CPNE6: variants seen among roughly 807,000 people sequenced by gnomAD.
CPNE6 encodes the protein copine-6.
Under a neutral mutation model 71.5 loss-of-function variants are expected in CPNE6, and 33 were observed. The observed-to-expected ratio is 0.46, with a 90% CI of 0.35 to 0.62. The LOEUF (loss-of-function observed/expected upper bound fraction) is 0.62. Ranked by LOEUF, CPNE6 falls within the 20% of genes least tolerant of loss-of-function variation. CPNE6 has a pLI of 0.00. For missense variants in CPNE6, 576 were observed against 747.3 expected, an observed-to-expected ratio of 0.77 and a Z score of 2.67; for synonymous variants, 296 against 293.0, an observed-to-expected ratio of 1.01 and a Z score of -0.10.
Position 24,077,519 on chromosome 14 carries a change from C to T in CPNE6, c.1537-74C>T. 1.4e-5 allele frequency: 22 copies of T among 1,586,806 alleles called. No individual in the cohort carries two copies. The highest frequency in any genetic ancestry group is 1.9e-5 in the Non-Finnish European group (22 of 1,159,096). On this transcript the variant is annotated intron_variant, in intron 16 of 17. Transcript: ENST00000397016. The surrounding 1 kb of genome is among the most constrained non-coding windows in gnomAD (Gnocchi z 6.1). ...AGCCCAGCTGGCCACCCTGAAGCCC[C>T]ACTTCTCCCTCAGATGACCCTGCCT...
At position 24,077,636 on chromosome 14, in the gene CPNE6, C is replaced by T; in HGVS notation, c.1580C>T (p.Pro527Leu). The change falls in exon 17 of 18, where the codon CCA (proline) becomes CTA (leucine). Residue 527 changes from proline to leucine, a missense_variant. Physicochemically the swap from Pro to Leu is moderately conservative, Grantham distance 98. Coordinates refer to ENST00000397016, the Ensembl canonical transcript of CPNE6. The surrounding 1 kb of genome is among the most constrained non-coding windows in gnomAD (Gnocchi z 6.1). ...GCCAAGTGTGTCCTGGCTGAGGTGC[C>T]ACGGCAGGTGGTGGAGTACTACGCC... The T allele has an allele frequency of 2.5e-6, 4 of 1,597,318 alleles. No individual in the cohort carries two copies. In the Middle Eastern group the frequency reaches 6.7e-4, roughly 267 times the overall value.
chr14:24,074,044 T>C lies in CPNE6; in HGVS notation c.349-7T>C. On this transcript the variant is annotated splice_region_variant and splice_polypyrimidine_tract_variant and intron_variant, in intron 4 of 17. Transcript: ENST00000397016. The surrounding 1 kb of genome is among the most constrained non-coding windows in gnomAD (Gnocchi z 4.5). ...ACAGCTGGGTCTCCCTCCACCTCCATCCCCAGATTGTGTCACAAACCAAGG... is the reference window on the plus strand; with the variant it reads ...ACAGCTGGGTCTCCCTCCACCTCCACCCCCAGATTGTGTCACAAACCAAGG... 1.2e-6 allele frequency: 2 copies of C among 1,613,594 alleles called. No homozygotes were observed. The highest frequency in any genetic ancestry group is 1.7e-6 in the Non-Finnish European group (2 of 1,179,576).
Position 24,074,762 on chromosome 14 carries a change from C to G in CPNE6, c.639C>G (p.Ser213=). The change falls in exon 8 of 18, where the codon TCC becomes TCG. Residue 213 remains serine, a synonymous_variant. Transcript: ENST00000397016. This position sits in a 1 kb window ranked among gnomAD's most constrained non-coding sequence, Gnocchi z 4.5. Reference sequence around the variant, plus strand: ...AGCCGTTCCGCCTGTCCCTGCATTCCCTATGCAGCTGTGATGTTCACCGAC... The same window carrying G: ...AGCCGTTCCGCCTGTCCCTGCATTCGCTATGCAGCTGTGATGTTCACCGAC... 6.2e-7 allele frequency: 1 copy of G among 1,613,870 alleles called. No individual in the cohort carries two copies. Among genetic ancestry groups the G allele is most frequent in the Non-Finnish European group, 8.5e-7 (1 of 1,179,890 alleles).
intron 1 of CPNE6, chr14:24,071,325 G>A (rs1234419649): frequency 1.8e-5 from 26 of 1,433,900 alleles, no homozygotes; most frequent in Non-Finnish European, 2.4e-5. Flanking sequence ...TGCGATTCTG[G>A]GTGTGGGTGT....
chr14:24,072,941 C>T (rs1271604670), exon 3 of CPNE6: 3 of 1,575,914 alleles, frequency 1.9e-6, no homozygotes, highest in Middle Eastern at 2.3e-4. Context: ...AGTGACATGT[C>T]GGACCCTGAG....
At chr14:24,076,718 C>A in intron 14 of CPNE6, 161 bp downstream of exon 13, 1 of 1,437,536 alleles carries the variant, frequency 7.0e-7, no homozygotes, top group East Asian at 2.3e-5. Context: ...CATCTGCACC[C>A]AACTCTCCCT....
Position 24,073,813 on chromosome 14 carries a change from C to A in CPNE6, c.348+135C>A, listed in dbSNP as rs552002799. On this transcript the variant is annotated intron_variant, in intron 4 of 17. Transcript: ENST00000397016. The surrounding 1 kb of genome is among the most constrained non-coding windows in gnomAD (Gnocchi z 5.5). Reference sequence around the variant, plus strand: ...GGCTCCCATCTCTGCCATTCACTAGCTGTGCAGCCTCAGGAAAGATACTTA... The same window carrying A: ...GGCTCCCATCTCTGCCATTCACTAGATGTGCAGCCTCAGGAAAGATACTTA... The A allele has an allele frequency of 3.5e-5, 34 of 966,592 alleles. No homozygotes were observed. Among genetic ancestry groups the A allele is most frequent in the East Asian group, 2.1e-4 (8 of 38,642 alleles). The allele number at this position is 966,592 out of a possible 1,614,324, so 59.9% of individuals were successfully genotyped here. A position where few individuals can be genotyped will look rare whatever the true frequency, so the allele number is the denominator to read the frequency against.
intron 2 of CPNE6, chr14:24,072,048 C>G: frequency 5.2e-6 from 1 of 193,062 alleles, no homozygotes; most frequent in Non-Finnish European, 1.1e-5. Context: ...GATCAGACAG[C>G]CTCACCCTGA....
In CPNE6 at chr14:24,071,277, G is replaced by A; in HGVS notation, c.-120+249G>A. The A allele has an allele frequency of 6.9e-6, 9 of 1,295,982 alleles. No homozygotes were observed. The South Asian group carries it at 1.4e-4, about 20-fold the overall frequency. 80.3% of individuals were successfully genotyped at this position (1,295,982 alleles called of 1,614,324 possible). On this transcript the variant is annotated intron_variant, in intron 1 of 17. Transcript: ENST00000397016. ...ATGTGTCGCCATCATTTCTCTGTTTGAATGTGTATGTGCATGCCACTGCAA... is the reference window on the plus strand; with the variant it reads ...ATGTGTCGCCATCATTTCTCTGTTTAAATGTGTATGTGCATGCCACTGCAA...
chr14:24,076,620 A>T, intron 14 of CPNE6, 63 bp downstream of exon 13: 1 of 1,598,764 alleles, frequency 6.3e-7, no homozygotes. Flanking sequence ...AGGAGCACAG[A>T]CTCCACTCCC....
At chr14:24,076,333 G>C (rs747438119) in intron 12 of CPNE6, 27 bp from the exon 12 acceptor site, 2 of 1,614,080 alleles carry the variant, frequency 1.2e-6, no homozygotes, top group Non-Finnish European at 1.7e-6. Context: ...TTGCCCAACG[G>C]ATTCCACAGC....
chr14:24,072,529 T>A (rs1181039117), intron 2 of CPNE6: 3 of 159,834 alleles, frequency 1.9e-5, no homozygotes, highest in Non-Finnish European at 2.7e-5. Flanking sequence ...CCCCACCCCC[T>A]TGCCCTAGTT....
In CPNE6 at chr14:24,075,279, G is replaced by A. The variant is rs769761804; in HGVS notation, c.777+3G>A. 1 of 1,612,280 alleles carries A rather than the reference G, an allele frequency of 6.2e-7. No homozygotes were observed. Among genetic ancestry groups the A allele is most frequent in the Admixed American group, 1.7e-5 (1 of 60,026 alleles). ...GGACGGCAAACCCTGGGCAGGAGGT[G>A]CCACAAATACCCCACCCCCAGAATC... On this transcript the variant is annotated splice_donor_region_variant and intron_variant, in intron 9 of 17. Coordinates refer to ENST00000397016, the Ensembl canonical transcript of CPNE6. The surrounding 1 kb of genome is among the most constrained non-coding windows in gnomAD (Gnocchi z 4.3).
chr14:24,076,736 G>A, intron 14 of CPNE6, 143 bp from the exon 14 acceptor site: 1 of 1,472,804 alleles, frequency 6.8e-7, no homozygotes, highest in Non-Finnish European at 9.4e-7. Flanking sequence ...CCTGCCAAGG[G>A]ACCATCCAAC....
At chr14:24,072,067 C>T (rs1471176027) in intron 2 of CPNE6, 1 of 168,632 alleles carries the variant, frequency 5.9e-6, no homozygotes, top group Admixed American at 6.0e-5. Flanking sequence ...GAGATCTGTA[C>T]AGACACAGAT....
chr14:24,072,767 TC>T lies in CPNE6; in HGVS notation c.-4-162del, dbSNP rs2035939652. 4 of 535,932 alleles carry T rather than the reference TC, an allele frequency of 7.5e-6. No homozygotes were observed. The South Asian group carries it at 1.8e-4, about 24-fold the overall frequency. 33.2% of individuals were successfully genotyped at this position (535,932 alleles called of 1,614,324 possible). On this transcript the variant is annotated intron_variant, in intron 2 of 17. Coordinates refer to ENST00000397016, the Ensembl canonical transcript of CPNE6. ...AGTGGGAGGCTCAGGTCCTCTGCCC[TC>T]CCCTGCTCAGAACTCTGGTGAAGCT... is the stretch of plus-strand genomic sequence containing the variant.
Position 24,073,456 on chromosome 14 carries a change from C to T in CPNE6, c.169-43C>T, listed in dbSNP as rs770791371. 6.3e-6 allele frequency: 10 copies of T among 1,589,922 alleles called. No homozygotes were observed. In the African/African-American group the frequency reaches 9.4e-5, roughly 15 times the overall value. On this transcript the variant is annotated intron_variant, in intron 3 of 17. Transcript: ENST00000397016. The surrounding 1 kb of genome is among the most constrained non-coding windows in gnomAD (Gnocchi z 5.5). ...AGTCCAGGACAGGGAAAAGTATCCT[C>T]GGTTCCCAGACAGCCCTCGCCTCCC...
At chr14:24,076,841 T>A in intron 14 of CPNE6, 38 bp from the exon 14 acceptor site, 1 of 1,609,548 alleles carries the variant, frequency 6.2e-7, no homozygotes, top group Non-Finnish European at 8.5e-7. Context: ...GGGGCCCTGC[T>A]CATTTCTGCC....
Position 24,075,155 on chromosome 14 carries a change from T to A in CPNE6, c.673-17T>A. On this transcript the variant is annotated splice_polypyrimidine_tract_variant and intron_variant, in intron 8 of 17. Transcript: ENST00000397016. The surrounding 1 kb of genome is among the most constrained non-coding windows in gnomAD (Gnocchi z 4.3). ...AGCATCTCCAACCTGACCCCACCCC[T>A]CCCCCTGCCTTCTCAGTTCCTGGTG... 6.3e-7 allele frequency: 1 copy of A among 1,580,134 alleles called. No homozygotes were observed. The highest frequency in any genetic ancestry group is 8.7e-7 in the Non-Finnish European group (1 of 1,151,606).
Sources: gnomAD v4.1 joint callset for allele counts on GRCh38, gnomAD v4.1.1 for gene constraint, Gnocchi (gnomAD v3.1) non-coding constraint, MANE v1.5 for transcripts, NCBI Gene and HGNC (gene_info 2026-07-23, HGNC 2026-07-21) for gene names.